The following POU2AF1 variants were observed in gnomAD, a reference collection of about 807,000 sequenced individuals.
POU2AF1 encodes the protein POU domain class 2-associating factor 1.
A neutral mutation model predicts 26.3 loss-of-function variants in POU2AF1; 12 were observed. The observed-to-expected ratio is 0.46, with a 90% CI of 0.29 to 0.74. The LOEUF (loss-of-function observed/expected upper bound fraction) is 0.74. POU2AF1 is among the 30% of genes least tolerant of loss of function. POU2AF1 has a pLI of 0.09. For synonymous variants in POU2AF1, 175 were observed against 148.0 expected, an observed-to-expected ratio of 1.18 and a Z score of -1.32; for missense variants, 297 against 334.5, an observed-to-expected ratio of 0.89 and a Z score of 0.87.
At chr11:111,367,206 A>C (rs1368785116) in intron 1 of POU2AF1, among the ~76,000 whole-genome samples, 1 of 152,150 alleles carries the variant, frequency 6.6e-6, no homozygotes, top group East Asian at 1.9e-4. Flanking sequence ...AGCCTCCTGC[A>C]GATCAGGTCA....
intron 1 of POU2AF1, among the ~76,000 whole-genome samples, chr11:111,368,580 A>G (rs1861148833): frequency 6.6e-6 from 1 of 152,210 alleles, no homozygotes; most frequent in Admixed American, 6.5e-5. Flanking sequence ...GCTACCCTTG[A>G]TGAAGTCATA....
intron 1 of POU2AF1, among the ~76,000 whole-genome samples, chr11:111,371,647 T>A (rs567843301): frequency 6.6e-6 from 1 of 152,318 alleles, no homozygotes; most frequent in Non-Finnish European, 1.5e-5. Flanking sequence ...ATACAAATTG[T>A]AATCTAAAAT....
At chr11:111,356,230 C>A (rs1274453093) in intron 4 of POU2AF1, among the ~76,000 whole-genome samples, 1 of 152,178 alleles carries the variant, frequency 6.6e-6, no homozygotes, top group African/African-American at 2.4e-5. Context: ...GAGTCCTCCA[C>A]CCACCACCCT....
intron 1 of POU2AF1, among the ~76,000 whole-genome samples, chr11:111,370,629 T>G: frequency 6.6e-6 from 1 of 152,146 alleles, no homozygotes; most frequent in East Asian, 1.9e-4. Context: ...CCGCACGATT[T>G]TTATTCTTAT....
chr11:111,357,666 C>T lies in POU2AF1; in HGVS notation c.235G>A (p.Glu79Lys). Residue 79 changes from glutamate (E) to lysine (K), a missense_variant, in exon 4 of 5, where the codon GAG becomes AAG. By Grantham distance (56) the Glu-to-Lys change is moderately conservative. Transcript: ENST00000393067. ...DMEGSVSAVT[E>K]EAALCAGWLS... ...CAGCCGGCACACAGGGCAGCCTCCT[C>T]TGTCACTGCAGACACAGAACCTTCC... 1.2e-6 allele frequency: 2 copies of T among 1,613,410 alleles called. No individual in the cohort carries two copies. Among genetic ancestry groups the T allele is most frequent in the Non-Finnish European group, 1.7e-6 (2 of 1,179,736 alleles).
At position 111,357,853 on chromosome 11, in the gene POU2AF1, G is replaced by A. The variant is rs1860881787; in HGVS notation, c.148-16C>T. On this transcript the variant is annotated splice_polypyrimidine_tract_variant and intron_variant, in intron 2 of 4. Coordinates refer to ENST00000393067, the MANE Select transcript of POU2AF1 (RefSeq NM_006235.3). ...GCAGCACCACCTAGAGGGGAGAGGA[G>A]AAGACCAGGGTCAATGTTTAGCCCT... The A allele has an allele frequency of 1.2e-6, 2 of 1,600,116 alleles. No individual in the cohort carries two copies. Among genetic ancestry groups the A allele is most frequent in the East Asian group, 2.2e-5 (1 of 44,742 alleles).
chr11:111,359,911 A>G (rs1017922730), intron 1 of POU2AF1: 80 of 518,496 alleles, frequency 1.5e-4, no homozygotes, highest in Admixed American at 1.5e-3. Context: ...CACCTTTAGG[A>G]TTGAGGCAAG....
chr11:111,355,792 C>G (rs1045795433), intron 4 of POU2AF1, among the ~76,000 whole-genome samples: 1 of 152,152 alleles, frequency 6.6e-6, no homozygotes, highest in Non-Finnish European at 1.5e-5. Context: ...TCCTGAAATC[C>G]GGGCTGAGGT....
At chr11:111,364,209 G>C (rs1861063057) in intron 1 of POU2AF1, 1 of 158,650 alleles carries the variant, frequency 6.3e-6, no homozygotes, top group Non-Finnish European at 1.4e-5. Flanking sequence ...TTCCACTGGA[G>C]AGTGCAGAGT....
At position 111,372,051 on chromosome 11, in the gene POU2AF1, C is replaced by CAGAGAG. The variant is rs1374875953; in HGVS notation, c.16+7110_16+7111insCTCTCT. On this transcript the variant is annotated intron_variant, in intron 1 of 4. Coordinates refer to ENST00000393067, the MANE Select transcript of POU2AF1 (RefSeq NM_006235.3). ...AAATACACACACACACACACACACA[C>CAGAGAG]ACACACACACACACACACAGAGAGA... Among the ~76,000 whole-genome samples, 476 of 101,612 alleles carry CAGAGAG rather than the reference C, an allele frequency of 4.7e-3. 2 individuals carry two copies. The highest frequency in any genetic ancestry group is 0.019 in the Middle Eastern group (4 of 206). 66.7% of individuals were successfully genotyped at this position (101,612 alleles called of 152,430 possible). A position where few individuals can be genotyped will look rare whatever the true frequency, so the allele number is the denominator to read the frequency against.
intron 1 of POU2AF1, among the ~76,000 whole-genome samples, chr11:111,361,608 C>G (rs955389104): frequency 6.6e-6 from 1 of 152,218 alleles, no homozygotes; most frequent in Admixed American, 6.5e-5. Context: ...GCCATTTCCA[C>G]CTTCCTTTCG....
rs139875225 is a variant in POU2AF1 at position 111,357,676 on chromosome 11, A to G, written c.225T>C (p.Ser75=). 61 of 1,613,282 alleles carry G rather than the reference A, an allele frequency of 3.8e-5. No homozygotes were observed. In the East Asian group the frequency reaches 4.7e-4, roughly 12 times the overall value. ...ACAGGGCAGCCTCCTCTGTCACTGC[A>G]GACACAGAACCTTCCATGTCCAGGC... The part of the protein sequence containing the change: ...PSCLDMEGSV[S]AVTEEAALCA... Residue 75 remains serine (S), a synonymous_variant, in exon 4 of 5, where the codon TCT becomes TCC. Coordinates refer to ENST00000393067, the MANE Select transcript of POU2AF1 (RefSeq NM_006235.3).
At chr11:111,360,138 G>A (rs1444586934) in intron 1 of POU2AF1, 31 of 469,952 alleles carry the variant, frequency 6.6e-5, no homozygotes, top group Non-Finnish European at 1.2e-4. Flanking sequence ...CCGTGGCTGG[G>A]AAGCAACAAG....
rs1398528614 is a variant in POU2AF1, at chr11:111,354,245, C to T, written c.*16G>A. 6.8e-6 allele frequency: 11 copies of T among 1,612,984 alleles called. No individual in the cohort carries two copies. Among genetic ancestry groups the T allele is most frequent in the Non-Finnish European group, 9.3e-6 (11 of 1,179,652 alleles). ...AATCCCAGTTTCAGGGAACAGGACT[C>T]AGGTGGGAGCCACGCCTAAAAGCCT... On this transcript the variant is annotated 3_prime_UTR_variant, in exon 5 of 5. Coordinates refer to ENST00000393067, the MANE Select transcript of POU2AF1 (RefSeq NM_006235.3).
At chr11:111,361,470 G>A (rs1019877433) in intron 1 of POU2AF1, among the ~76,000 whole-genome samples, 2 of 152,154 alleles carry the variant, frequency 1.3e-5, no homozygotes, top group African/African-American at 4.8e-5. Flanking sequence ...TTGTAAAACG[G>A]GAATAATAAT....
chr11:111,370,944 G>A (rs182709550), intron 1 of POU2AF1, among the ~76,000 whole-genome samples: 4 of 152,324 alleles, frequency 2.6e-5, no homozygotes, highest in Admixed American at 1.3e-4. Flanking sequence ...TGGATGCTTA[G>A]AGGGATGCAT....
chr11:111,367,708 A>G (rs1267535306), intron 1 of POU2AF1, among the ~76,000 whole-genome samples: 4 of 152,174 alleles, frequency 2.6e-5, no homozygotes, highest in African/African-American at 9.7e-5. Context: ...GTCTCCCTCA[A>G]TTGCCAATTT....
chr11:111,362,965 G>T, intron 1 of POU2AF1: 1 of 212,470 alleles, frequency 4.7e-6, no homozygotes, highest in Non-Finnish European at 8.2e-6. Context: ...CCACACACTT[G>T]GCTGGAAAGG....
At chr11:111,361,773 T>C (rs1861014056) in intron 1 of POU2AF1, among the ~76,000 whole-genome samples, 1 of 152,188 alleles carries the variant, frequency 6.6e-6, no homozygotes, top group African/African-American at 2.4e-5. Flanking sequence ...TAATGGTATG[T>C]ATGTTGTAGG....
Sources: gnomAD v4.1 joint callset for allele counts (sites outside exome capture counted in the v4.1 genomes callset) on GRCh38, gnomAD v4.1.1 for gene constraint, MANE v1.5 for transcripts, NCBI Gene and HGNC (gene_info 2026-07-23, HGNC 2026-07-21) for gene names.